MPP4: variants seen among roughly 807,000 people sequenced by gnomAD.
MPP4 encodes MAGUK p55 subfamily member 4.
Under a neutral mutation model 98.3 loss-of-function variants are expected in MPP4, and 91 were observed. The ratio of observed to expected loss-of-function variants is 0.93; its 90% CI spans 0.78 to 1.10. The LOEUF (loss-of-function observed/expected upper bound fraction) is 1.10. Among genes scored for constraint, MPP4 ranks in the 50% least tolerant of loss-of-function variants. The pLI, the probability that MPP4 is intolerant of heterozygous loss-of-function variation, is 0.00. For missense variants in MPP4, 744 were observed against 792.9 expected (o/e 0.94, Z 0.74); for synonymous variants, 261 against 271.8 (o/e 0.96, Z 0.39).
chr2:201,655,596 C>T (rs1270070295), intron 17 of MPP4, among the ~76,000 whole-genome samples: 1 of 152,190 alleles, frequency 6.6e-6, no homozygotes, highest in African/African-American at 2.4e-5. Flanking sequence ...CTGCCTTGCT[C>T]ATGAAGCTAA....
chr2:201,651,024 G>A (rs1687699100), intron 18 of MPP4: 13 of 985,090 alleles, frequency 1.3e-5, no homozygotes, highest in African/African-American at 1.7e-5. Context: ...GTTAGGTTCT[G>A]AAAACACAAA....
chr2:201,667,011 T>C (rs1688202079), intron 12 of MPP4, among the ~76,000 whole-genome samples: 1 of 152,150 alleles, frequency 6.6e-6, no homozygotes, highest in South Asian at 2.1e-4. Flanking sequence ...CTGTTCTCCA[T>C]GTGAAAATGG....
At chr2:201,651,805 T>G (rs1687720192) in intron 18 of MPP4, 1 of 361,924 alleles carries the variant, frequency 2.8e-6, no homozygotes. Context: ...AATACAAAAA[T>G]TAGCTAGGCA....
chr2:201,692,237 T>C (rs1689051317), intron 3 of MPP4, among the ~76,000 whole-genome samples: 1 of 152,258 alleles, frequency 6.6e-6, no homozygotes, highest in East Asian at 1.9e-4. Context: ...AAAATGCATA[T>C]GTGATGATAT....
rs1263228342 is a variant in MPP4 at position 201,656,266 on chromosome 2, G to T, written c.1232C>A (p.Ala411Asp). The T allele has an allele frequency of 6.3e-6, 10 of 1,596,376 alleles. No individual in the cohort carries two copies. Among genetic ancestry groups the T allele is most frequent in the African/African-American group, 1.3e-5 (1 of 74,750 alleles). Reference protein sequence around the residue: ...CTGSCYSAVGAPYEEVVRYQR... With the variant: ...CTGSCYSAVGDPYEEVVRYQR... ...GTACCTCACCACCTCCTCGTAAGGGGCACCCACTGCACTGTAGCAGCTGCC... is the reference window on the plus strand; with the variant it reads ...GTACCTCACCACCTCCTCGTAAGGGTCACCCACTGCACTGTAGCAGCTGCC... The change falls in exon 17 of 22, where the codon GCC (alanine) becomes GAC (aspartate). Residue 411 changes from alanine to aspartate, a missense_variant. Transcript: ENST00000409474.
chr2:201,677,531 A>G (rs1181374693), intron 10 of MPP4, among the ~76,000 whole-genome samples: 1 of 152,144 alleles, frequency 6.6e-6, no homozygotes, highest in Non-Finnish European at 1.5e-5. Flanking sequence ...AACAAGCAAA[A>G]CCAAAACAAA....
chr2:201,681,373 T>G, intron 9 of MPP4, 123 bp downstream of exon 9: 1 of 828,964 alleles, frequency 1.2e-6, no homozygotes, highest in Non-Finnish European at 2.0e-6. Context: ...TTGAAAAATA[T>G]CCAACACAGT....
intron 20 of MPP4, 101 bp from the exon 21 acceptor site, chr2:201,647,926 GTT>G: frequency 8.6e-7 from 1 of 1,168,546 alleles, no homozygotes; most frequent in South Asian, 1.6e-5. Flanking sequence ...TGCAATCACA[GTT>G]CACTGTAGCC....
intron 8 of MPP4, among the ~76,000 whole-genome samples, chr2:201,681,982 A>G (rs1301673739): frequency 5.9e-5 from 9 of 152,142 alleles, no homozygotes; most frequent in Non-Finnish European, 1.0e-4. Flanking sequence ...CCCCAGTCTG[A>G]TGGGGAAGAA....
At chr2:201,656,538 C>T (rs1351170409) in intron 16 of MPP4, among the ~76,000 whole-genome samples, 170 bp from the exon 17 acceptor site, 14 of 152,086 alleles carry the variant, frequency 9.2e-5, no homozygotes. Context: ...ATGAAAATGC[C>T]CCCTGTGCTA....
Position 201,657,114 on chromosome 2 carries a change from G to T in MPP4, c.1130-746C>A, listed in dbSNP as rs543101227. 4.3e-4 allele frequency among the ~76,000 whole-genome samples: 65 copies of T among 152,272 alleles called. No homozygotes were observed. In the South Asian group the frequency reaches 0.012, roughly 29 times the overall value. ...GGTGTAAACCGTAGGGAGAGCAAGT[G>T]TGGCCTCAGGAGAGAGCAGTTAGGA... On this transcript the variant is annotated intron_variant, in intron 16 of 21. Transcript: ENST00000409474.
rs13404401 is a variant in MPP4 at position 201,671,432 on chromosome 2, C to A, written c.995-1682G>T. Among the ~76,000 whole-genome samples, 1,485 of 152,198 alleles carry A rather than the reference C, an allele frequency of 9.8e-3. 28 individuals carry two copies. Among genetic ancestry groups the A allele is most frequent in the Middle Eastern group, 0.034 (10 of 294 alleles). On this transcript the variant is annotated intron_variant, in intron 11 of 21. Coordinates refer to ENST00000409474, the MANE Select transcript of MPP4 (RefSeq NM_033066.3). ...ACCTTAAATGTAAATGGGCTAAATA[C>A]CCCAATTAAAAGACACAGACTGCAA...
At chr2:201,667,267 G>A (rs767748895) in intron 12 of MPP4, among the ~76,000 whole-genome samples, 4 of 152,202 alleles carry the variant, frequency 2.6e-5, no homozygotes, top group African/African-American at 7.2e-5. Flanking sequence ...GCTACCATTA[G>A]AGTGGACATC....
chr2:201,652,438 G>A (rs766802811), intron 18 of MPP4, among the ~76,000 whole-genome samples: 1 of 152,098 alleles, frequency 6.6e-6, no homozygotes, highest in South Asian at 2.1e-4. Context: ...CAGCCTGGGC[G>A]ACAGAGCAAG....
At position 201,680,898 on chromosome 2, in the gene MPP4, C is replaced by T. The variant is rs371295320; in HGVS notation, c.869G>A (p.Arg290Gln). ...DQNDALWWQARKISDPATCAG... is the reference protein window; with the variant it reads ...DQNDALWWQAQKISDPATCAG... ...GCAGGTAGCAGGGTCTGAGATTTTTCGGGCCTGCCACCAGAGGGCATCATT... is the reference window on the plus strand; with the variant it reads ...GCAGGTAGCAGGGTCTGAGATTTTTTGGGCCTGCCACCAGAGGGCATCATT... The change falls in exon 10 of 22, where the codon CGA (arginine) becomes CAA (glutamine). Residue 290 changes from arginine (R) to glutamine (Q), a missense_variant. Transcript: ENST00000409474. 70 of 1,613,486 alleles carry T rather than the reference C, an allele frequency of 4.3e-5. No homozygotes were observed. Among genetic ancestry groups the T allele is most frequent in the African/African-American group, 1.3e-4 (10 of 74,872 alleles).
chr2:201,681,040 G>A lies in MPP4; in HGVS notation c.733-6C>T, dbSNP rs1688651013. On this transcript the variant is annotated splice_region_variant and splice_polypyrimidine_tract_variant and intron_variant, in intron 9 of 21. Transcript: ENST00000409474. ...GTCATGGCACGGACGTACACCTGAT[G>A]GCAGGTGCATAATGACGCTATCAGA... 6.2e-7 allele frequency: 1 copy of A among 1,606,088 alleles called. No homozygotes were observed. The highest frequency in any genetic ancestry group is 1.7e-5 in the Admixed American group (1 of 59,892).
chr2:201,649,103 C>A (rs992293120), intron 20 of MPP4, among the ~76,000 whole-genome samples: 1 of 151,946 alleles, frequency 6.6e-6, no homozygotes, highest in Non-Finnish European at 1.5e-5. Context: ...CAGACACACA[C>A]ACACACACGA....
intron 11 of MPP4, 107 bp from the exon 12 acceptor site, chr2:201,669,857 T>C (rs981556942): frequency 4.8e-6 from 4 of 826,148 alleles, no homozygotes; most frequent in East Asian, 3.4e-5. Context: ...GCAAAAATTA[T>C]TGTAATTAGT....
chr2:201,681,449 C>T (rs1320733533), intron 9 of MPP4, 47 bp downstream of exon 9: 4 of 1,440,710 alleles, frequency 2.8e-6, no homozygotes, highest in Non-Finnish European at 3.9e-6. Context: ...GTTGCTGTTA[C>T]TTGGGGATTT....
Sources: allele counts gnomAD v4.1 joint callset (sites outside exome capture counted in the v4.1 genomes callset), GRCh38; gene constraint gnomAD v4.1.1; transcripts MANE v1.5; gene names NCBI Gene and HGNC (gene_info 2026-07-23, HGNC 2026-07-21).